ARHGAP15: variants seen among roughly 807,000 people sequenced by gnomAD.
ARHGAP15 encodes Rho GTPase activating protein 15.
ARHGAP15 carries 51 observed loss-of-function variants against 63.7 expected under a neutral mutation model. The ratio of observed to expected loss-of-function variants is 0.80; its 90% CI spans 0.64 to 1.01. ARHGAP15 has a LOEUF of 1.01. Among genes scored for constraint, ARHGAP15 ranks in the 50% least tolerant of loss-of-function variants. The pLI, the probability that ARHGAP15 is intolerant of heterozygous loss-of-function variation, is 0.00. For synonymous variants in ARHGAP15, 191 were observed against 193.8 expected (o/e 0.99, Z 0.12); for missense variants, 560 against 564.6 (o/e 0.99, Z 0.08).
chr2:143,613,020 G>A (rs1698316944), intron 11 of ARHGAP15, among the ~76,000 whole-genome samples: 1 of 152,174 alleles, frequency 6.6e-6, no homozygotes, highest in South Asian at 2.1e-4. Context: ...CTTTTGAGAT[G>A]TCAGTTTCCT....
intron 5 of ARHGAP15, among the ~76,000 whole-genome samples, chr2:143,242,411 A>G (rs764926351): frequency 3.3e-5 from 5 of 152,246 alleles, no homozygotes; most frequent in Non-Finnish European, 7.3e-5. Flanking sequence ...GCAGAAATAA[A>G]TTGCCTTTTT....
At chr2:143,639,911 A>T (rs1335821590) in intron 12 of ARHGAP15, among the ~76,000 whole-genome samples, 1 of 152,156 alleles carries the variant, frequency 6.6e-6, no homozygotes, top group African/African-American at 2.4e-5. Context: ...GCAAACTTAC[A>T]GAATAAGACC....
At chr2:143,166,555 C>A (rs967130243) in intron 2 of ARHGAP15, among the ~76,000 whole-genome samples, 1 of 152,100 alleles carries the variant, frequency 6.6e-6, no homozygotes, top group African/African-American at 2.4e-5. Flanking sequence ...CCAGACTCTG[C>A]TGTTAGCTAC....
chr2:143,456,997 T>C (rs1014976495), intron 8 of ARHGAP15, among the ~76,000 whole-genome samples: 6 of 152,036 alleles, frequency 3.9e-5, no homozygotes, highest in African/African-American at 7.2e-5. Flanking sequence ...ATTTAACAGA[T>C]GGTGAGTTAA....
intron 6 of ARHGAP15, among the ~76,000 whole-genome samples, chr2:143,292,276 T>C (rs1477621328): frequency 1.3e-5 from 2 of 152,160 alleles, no homozygotes; most frequent in African/African-American, 2.4e-5. Context: ...TAATAGTTTT[T>C]ATATAAGTGT....
chr2:143,575,100 C>T (rs1281324783), intron 11 of ARHGAP15, among the ~76,000 whole-genome samples: 2 of 152,116 alleles, frequency 1.3e-5, no homozygotes, highest in Non-Finnish European at 1.5e-5. Flanking sequence ...TCTATTTCTT[C>T]ATTCTGACAT....
chr2:143,363,532 G>T lies in ARHGAP15; in HGVS notation c.475-72069G>T, dbSNP rs534574857. On this transcript the variant is annotated intron_variant, in intron 6 of 13. Coordinates refer to ENST00000295095, the MANE Select transcript of ARHGAP15 (RefSeq NM_018460.4). ...AAAGAATGAAAAATAGAACACTCTT[G>T]CTACTGTTCTTTATATAGTTTTCTT... Among the ~76,000 whole-genome samples, 19 of 152,164 alleles carry T rather than the reference G, an allele frequency of 1.2e-4. No homozygotes were observed. In the East Asian group the frequency reaches 3.5e-3, roughly 28 times the overall value.
At chr2:143,366,850 T>G (rs1365759867) in intron 6 of ARHGAP15, among the ~76,000 whole-genome samples, 1 of 152,066 alleles carries the variant, frequency 6.6e-6, no homozygotes, top group Non-Finnish European at 1.5e-5. Context: ...TCCTGAAATT[T>G]AAAATAAAAT....
intron 12 of ARHGAP15, among the ~76,000 whole-genome samples, chr2:143,627,302 G>A (rs1480448873): frequency 2.0e-5 from 3 of 152,036 alleles, no homozygotes; most frequent in South Asian, 2.1e-4. Flanking sequence ...CAGGGTAATG[G>A]GGCTGAGACA....
intron 2 of ARHGAP15, among the ~76,000 whole-genome samples, chr2:143,174,522 G>C (rs1409148818): frequency 6.6e-6 from 1 of 152,090 alleles, no homozygotes; most frequent in East Asian, 1.9e-4. Context: ...TGTTTGCCAA[G>C]TATGCTTAGC....
chr2:143,639,371 C>G (rs562924447), intron 12 of ARHGAP15, among the ~76,000 whole-genome samples: 118 of 152,214 alleles, frequency 7.8e-4, no homozygotes, highest in African/African-American at 2.7e-3. Context: ...TACAGGTACT[C>G]ATTCTTGTGC....
At chr2:143,543,918 G>T (rs965439457) in intron 10 of ARHGAP15, among the ~76,000 whole-genome samples, 2 of 152,158 alleles carry the variant, frequency 1.3e-5, no homozygotes, top group African/African-American at 4.8e-5. Flanking sequence ...TGAGAAGTTA[G>T]GTCTCTCCTA....
intron 12 of ARHGAP15, among the ~76,000 whole-genome samples, chr2:143,647,777 C>T (rs985490838): frequency 6.6e-6 from 1 of 151,964 alleles, no homozygotes; most frequent in Admixed American, 6.6e-5. Flanking sequence ...TAACTAGCAA[C>T]GTTAACTAGC....
intron 12 of ARHGAP15, among the ~76,000 whole-genome samples, chr2:143,631,751 CT>C (rs1559091211): frequency 7.2e-5 from 11 of 152,146 alleles, no homozygotes; most frequent in Middle Eastern, 3.4e-3. Flanking sequence ...CATTCTATGG[CT>C]TTGTTTTCCT....
intron 8 of ARHGAP15, among the ~76,000 whole-genome samples, chr2:143,460,502 C>T (rs185101358): frequency 4.6e-5 from 7 of 152,246 alleles, no homozygotes; most frequent in Admixed American, 1.3e-4. Context: ...GGAATATAAA[C>T]ATCTAGAAGA....
chr2:143,502,739 C>T (rs895739308), intron 9 of ARHGAP15, among the ~76,000 whole-genome samples: 3 of 152,044 alleles, frequency 2.0e-5, no homozygotes, highest in East Asian at 3.9e-4. Flanking sequence ...ACCACTATGC[C>T]TGGCTAATTT....
chr2:143,272,118 A>G (rs1453953931), intron 6 of ARHGAP15, among the ~76,000 whole-genome samples: 2 of 152,144 alleles, frequency 1.3e-5, no homozygotes, highest in African/African-American at 4.8e-5. Context: ...TTAGAAGCTG[A>G]TGGTGGTGGC....
chr2:143,339,883 C>T (rs1485062431), intron 6 of ARHGAP15, among the ~76,000 whole-genome samples: 1 of 152,146 alleles, frequency 6.6e-6, no homozygotes, highest in African/African-American at 2.4e-5. Context: ...ATGTGAAACT[C>T]TCTGAAGAAT....
At chr2:143,153,818 CTTCTTCTTCTTCTTCTTCTTCT>C (rs1689944736) in intron 1 of ARHGAP15, among the ~76,000 whole-genome samples, 1 of 83,494 alleles carries the variant, frequency 1.2e-5, no homozygotes, top group Non-Finnish European at 2.5e-5. Flanking sequence ...TCTTCTTCTT[CTTCTTCTTCTTCTTCTTCTTCT>C]TCTTCCTCCT....
Sources: gnomAD v4.1 joint callset for allele counts (sites outside exome capture counted in the v4.1 genomes callset) on GRCh38, gnomAD v4.1.1 for gene constraint, MANE v1.5 for transcripts, NCBI Gene and HGNC (gene_info 2026-07-23, HGNC 2026-07-21) for gene names.